Variants in BTD observed in about 807,000 individuals in gnomAD.
The protein encoded by BTD is biocytinase.
In BTD, 13 loss-of-function variants were observed where a neutral mutation model predicts 17.7. The ratio of observed to expected loss-of-function variants is 0.74; its 90% CI spans 0.48 to 1.17. The LOEUF (loss-of-function observed/expected upper bound fraction) is 1.17, where lower values mean the gene tolerates loss of function less well. Among genes scored for constraint, BTD ranks in the 50% most tolerant of loss-of-function variants. BTD has a pLI of 0.00. For missense variants in BTD, 674 were observed against 650.4 expected (o/e 1.04, Z -0.39); for synonymous variants, 240 against 245.2 (o/e 0.98, Z 0.20).
intron 3 of BTD, chr3:15,707,993 C>G (rs546385320): frequency 1.2e-6 from 2 of 1,612,036 alleles, no homozygotes; most frequent in African/African-American, 2.7e-5. Context: ...GTCATTCACA[C>G]TTGCTCCTGA....
Position 15,720,760 on chromosome 3 carries a change from C to T in BTD, c.1016-1010C>T, listed in dbSNP as rs990905171. Among the ~76,000 whole-genome samples the T allele has an allele frequency of 6.6e-5, 10 of 152,210 alleles. No individual in the cohort carries two copies. The East Asian group carries it at 1.5e-3, about 23-fold the overall frequency. ...CATAAATGGAAAGAATGTACATACTCTTGAGTAAGGCTTTCACTCAGCATA... is the reference window on the plus strand; with the variant it reads ...CATAAATGGAAAGAATGTACATACTTTTGAGTAAGGCTTTCACTCAGCATA... On this transcript the variant is annotated intron_variant, in intron 4 of 4. Coordinates refer to the BTD transcript ENST00000672427.
At chr3:15,665,504 A>G (rs1177760401) in intron 3 of BTD, among the ~76,000 whole-genome samples, 3 of 152,340 alleles carry the variant, frequency 2.0e-5, no homozygotes, top group African/African-American at 7.2e-5. Flanking sequence ...GCCCAGTTTT[A>G]TATCTGGACT....
intron 3 of BTD, among the ~76,000 whole-genome samples, chr3:15,661,265 C>CAAAAAAAAAAAAAA (rs56165902): frequency 3.4e-4 from 32 of 93,742 alleles, no homozygotes; most frequent in African/African-American, 5.0e-4. Flanking sequence ...GACTCTGTCT[C>CAAAAAAAAAAAAAA]AAAAAAAAAA....
In BTD at chr3:15,646,839, A is replaced by G. The variant is rs941631866; in HGVS notation, c.*1351A>G. The G allele has an allele frequency of 2.6e-5, 4 of 152,216 alleles. No individual in the cohort carries two copies. The highest frequency in any genetic ancestry group is 9.7e-5 in the African/African-American group (4 of 41,450). The allele number at this position is 152,216 out of a possible 1,614,324, so 9.4% of individuals were successfully genotyped here. A position where few individuals can be genotyped will look rare whatever the true frequency, so the allele number is the denominator to read the frequency against. On this transcript the variant is annotated 3_prime_UTR_variant, in exon 4 of 4. Coordinates refer to ENST00000643237, the MANE Select transcript of BTD (RefSeq NM_001370658.1). Reference sequence around the variant, plus strand: ...CTATTCCCCCACGGTGTAGGCCTCCAGATCCTTTTCTGGCTTTTAGGCAGG... The same window carrying G: ...CTATTCCCCCACGGTGTAGGCCTCCGGATCCTTTTCTGGCTTTTAGGCAGG...
At chr3:15,721,059 T>C in intron 4 of BTD, 1 of 1,613,914 alleles carries the variant, frequency 6.2e-7, no homozygotes, top group Non-Finnish European at 8.5e-7. Flanking sequence ...GTTCATTCAC[T>C]ACAACATCTT....
intron 3 of BTD, chr3:15,707,879 T>C (rs2071671110): frequency 1.3e-6 from 2 of 1,575,726 alleles, no homozygotes; most frequent in Non-Finnish European, 1.7e-6. Context: ...AAGATGCCAG[T>C]TTATAGAAAT....
intron 3 of BTD, chr3:15,677,631 T>C (rs2067081222): frequency 8.2e-7 from 1 of 1,217,222 alleles, no homozygotes; most frequent in Admixed American, 2.0e-5. Context: ...TAACTCACTG[T>C]AGAGAAATGA....
At chr3:15,709,374 G>T (rs2071916442) in intron 3 of BTD, among the ~76,000 whole-genome samples, 2 of 152,074 alleles carry the variant, frequency 1.3e-5, no homozygotes, top group African/African-American at 4.8e-5. Flanking sequence ...GTTCTATGGG[G>T]CTTTACATTT....
intron 3 of BTD, among the ~76,000 whole-genome samples, chr3:15,703,327 G>A: frequency 6.6e-6 from 1 of 152,196 alleles, no homozygotes; most frequent in East Asian, 1.9e-4. Context: ...TCCTAAGAGT[G>A]TTGCTATGGT....
Position 15,648,196 on chromosome 3 carries a change from A to T in BTD, c.*2708A>T, listed in dbSNP as rs1033340133. On this transcript the variant is annotated 3_prime_UTR_variant, in exon 4 of 4. Coordinates refer to ENST00000643237, the MANE Select transcript of BTD (RefSeq NM_001370658.1). ...GTGAGTCGGCCGCTCTTGATTCTCA[A>T]TGAAACTCAGAACCGCTCAAGTGAA... Among the ~76,000 whole-genome samples the T allele has an allele frequency of 6.6e-6, 1 of 152,266 alleles. No individual in the cohort carries two copies. The highest frequency in any genetic ancestry group is 1.5e-5 in the Non-Finnish European group (1 of 68,044).
intron 3 of BTD, among the ~76,000 whole-genome samples, chr3:15,661,006 C>G (rs1038956106): frequency 1.3e-5 from 2 of 152,110 alleles, no homozygotes; most frequent in African/African-American, 4.8e-5. Context: ...TGGGTCATGC[C>G]TGTAATCCCA....
chr3:15,721,180 T>C (rs763920514), intron 4 of BTD: 77 of 1,502,784 alleles, frequency 5.1e-5, no homozygotes, highest in Non-Finnish European at 7.0e-5. Context: ...TAATTATCAA[T>C]GTTGTGAGCT....
intron 3 of BTD, chr3:15,689,862 A>C: frequency 1.5e-6 from 1 of 651,032 alleles, no homozygotes; most frequent in South Asian, 2.2e-5. Flanking sequence ...ATTTGTGTGA[A>C]TAAAGTTATT....
chr3:15,644,715 G>T lies in BTD; in HGVS notation c.799G>T (p.Ala267Ser), dbSNP rs2065643871. 6.2e-7 allele frequency: 1 copy of T among 1,614,220 alleles called. No individual in the cohort carries two copies. The highest frequency in any genetic ancestry group is 1.3e-5 in the African/African-American group (1 of 75,052). Reference protein sequence around the residue: ...PLLAAIEIQKAFAVAFGINVL... With the variant: ...PLLAAIEIQKSFAVAFGINVL... The stretch of plus-strand genomic sequence containing the variant: ...CTTGGCAGCAATTGAGATTCAGAAA[G>T]CTTTTGCTGTTGCCTTTGGCATCAA... Residue 267 changes from alanine to serine, a missense_variant, in exon 4 of 4, where the codon GCT becomes TCT. Coordinates refer to ENST00000643237, the MANE Select transcript of BTD (RefSeq NM_001370658.1).
At chr3:15,713,188 T>TA (rs913813844), downstream of BTD, among the ~76,000 whole-genome samples, 4 of 151,766 alleles carry the variant, frequency 2.6e-5, no homozygotes, top group East Asian at 1.9e-4. Context: ...GTATTTGGAT[T>TA]AAAAAAAAGC....
Position 15,644,679 on chromosome 3 carries a change from C to CA in BTD, c.764dup (p.Leu256AlafsTer8), listed in dbSNP as rs747992825. The CA allele has an allele frequency of 6.2e-7, 1 of 1,614,208 alleles. No homozygotes were observed. The highest frequency in any genetic ancestry group is 8.5e-7 in the Non-Finnish European group (1 of 1,180,040). On this transcript the variant is annotated frameshift_variant, in exon 4 of 4. Transcript: ENST00000643237. LOFTEE classifies it low-confidence loss of function (END_TRUNC). ...TGTGTACCCAACTGCCTGGATGAAC[C>CA]AGCTCCCACTCTTGGCAGCAATTGA... is the stretch of plus-strand genomic sequence containing the variant.
intron 3 of BTD, among the ~76,000 whole-genome samples, chr3:15,689,377 T>C (rs1559340301): frequency 2.0e-5 from 3 of 152,180 alleles, no homozygotes; most frequent in Non-Finnish European, 1.5e-5. Flanking sequence ...TGACATAGAA[T>C]TGGCCAATGT....
chr3:15,633,976 C>T (rs1306915854), intron 1 of BTD, among the ~76,000 whole-genome samples: 3 of 152,182 alleles, frequency 2.0e-5, no homozygotes, highest in Non-Finnish European at 2.9e-5. Context: ...TTTACAGTGT[C>T]CCAGATGAAT....
At chr3:15,708,293 C>T (rs1288039317) in intron 3 of BTD, among the ~76,000 whole-genome samples, 1 of 152,174 alleles carries the variant, frequency 6.6e-6, no homozygotes, top group Non-Finnish European at 1.5e-5. Context: ...GTTATTTCAT[C>T]GCCTCCAGGC....
Sources: allele counts gnomAD v4.1 joint callset (sites outside exome capture counted in the v4.1 genomes callset), GRCh38; gene constraint gnomAD v4.1.1; transcripts MANE v1.5; gene names NCBI Gene and HGNC (gene_info 2026-07-23, HGNC 2026-07-21).